The following GLB1L3 variants were observed in gnomAD, a reference collection of about 807,000 sequenced individuals.
GLB1L3 encodes the protein galactosidase beta 1 like 3.
A neutral mutation model predicts 89.5 loss-of-function variants in GLB1L3; 89 were observed. The ratio of observed to expected loss-of-function variants is 0.99; its 90% CI spans 0.84 to 1.19. The LOEUF (loss-of-function observed/expected upper bound fraction) is 1.19, where lower values mean the gene tolerates loss of function less well. GLB1L3 is among the 50% of genes most tolerant of loss of function. The pLI, the probability that GLB1L3 is intolerant of heterozygous loss-of-function variation, is 0.00. For missense variants in GLB1L3, 812 were observed against 813.3 expected (o/e 1.00, Z 0.02); for synonymous variants, 314 against 312.3 (o/e 1.01, Z -0.06).
At position 134,293,098 on chromosome 11, in the gene GLB1L3, CA is replaced by C. The variant is rs769139008; in HGVS notation, c.812-46del. 8 of 1,533,996 alleles carry C rather than the reference CA, an allele frequency of 5.2e-6. No homozygotes were observed. In the South Asian group the frequency reaches 9.0e-5, roughly 17 times the overall value. On this transcript the variant is annotated intron_variant, in intron 8 of 19. Coordinates refer to ENST00000431683, the MANE Select transcript of GLB1L3 (RefSeq NM_001080407.3). Reference sequence around the variant, plus strand: ...GGGGCGCATTCCTTCCCTTCCCTGACAGCACTTGTCTCATGCCTCAGCTGGG... The same window carrying C: ...GGGGCGCATTCCTTCCCTTCCCTGACGCACTTGTCTCATGCCTCAGCTGGG...
At chr11:134,313,060 GC>G (rs981218860) in intron 15 of GLB1L3, among the ~76,000 whole-genome samples, 173 bp downstream of exon 15, 2 of 151,520 alleles carry the variant, frequency 1.3e-5, no homozygotes, top group African/African-American at 4.9e-5. Context: ...CCAGGCCCTG[GC>G]CCCTCAGGAG....
At chr11:134,291,784 G>A (rs1298767600) in intron 7 of GLB1L3, among the ~76,000 whole-genome samples, 1 of 152,144 alleles carries the variant, frequency 6.6e-6, no homozygotes, top group East Asian at 1.9e-4. Context: ...AGACCAGGCT[G>A]GGCAACATAG....
chr11:134,287,745 T>A (rs902137204), intron 6 of GLB1L3, among the ~76,000 whole-genome samples: 6 of 152,238 alleles, frequency 3.9e-5, no homozygotes, highest in African/African-American at 1.4e-4. Context: ...GGCGTGGCGC[T>A]GCCCTGTGGA....
intron 5 of GLB1L3, among the ~76,000 whole-genome samples, chr11:134,282,885 G>A (rs778065205): frequency 1.3e-5 from 2 of 152,212 alleles, no homozygotes; most frequent in Non-Finnish European, 1.5e-5. Flanking sequence ...GCTGAGGGGA[G>A]TGGAGTTTTC....
intron 9 of GLB1L3, among the ~76,000 whole-genome samples, chr11:134,301,906 A>G (rs1941966913): frequency 6.6e-6 from 1 of 151,720 alleles, no homozygotes; most frequent in Non-Finnish European, 1.5e-5. Flanking sequence ...TTTTTCCTTT[A>G]TTTCGCTGGT....
intron 7 of GLB1L3, 42 bp from the exon 8 acceptor site, chr11:134,292,090 G>C: frequency 7.0e-7 from 1 of 1,423,892 alleles, no homozygotes; most frequent in Non-Finnish European, 9.9e-7. Flanking sequence ...TTTCCCATGG[G>C]AATGAGGGAA....
intron 10 of GLB1L3, among the ~76,000 whole-genome samples, chr11:134,308,655 TCACCACCACCAC>T (rs1186746011): frequency 2.8e-5 from 3 of 105,546 alleles, no homozygotes; most frequent in Admixed American, 9.3e-5. Flanking sequence ...ACCACCATCA[TCACCACCACCAC>T]CACCACCAAC....
At chr11:134,310,876 A>G in intron 12 of GLB1L3, 188 bp from the exon 13 acceptor site, 1 of 626,476 alleles carries the variant, frequency 1.6e-6, no homozygotes. Context: ...CTGAAGCATA[A>G]AGATAGTAAC....
chr11:134,318,169 C>A (rs989425840), intron 18 of GLB1L3, among the ~76,000 whole-genome samples: 2 of 152,054 alleles, frequency 1.3e-5, no homozygotes, highest in African/African-American at 2.4e-5. Context: ...TTGTTATATC[C>A]CAGAATAAGC....
chr11:134,283,682 C>A (rs532846433), intron 5 of GLB1L3, 55 bp from the exon 6 acceptor site: 2 of 1,031,088 alleles, frequency 1.9e-6, no homozygotes, highest in Non-Finnish European at 3.0e-6. Context: ...GAGCCCACTC[C>A]TGCTTCCCTC....
chr11:134,297,996 C>G (rs1020005262), intron 9 of GLB1L3, among the ~76,000 whole-genome samples: 1 of 151,772 alleles, frequency 6.6e-6, no homozygotes, highest in Non-Finnish European at 1.5e-5. Flanking sequence ...TAATTCCCCA[C>G]TCTAAAGATG....
In GLB1L3 at chr11:134,307,192, T is replaced by C. The variant is rs370813041; in HGVS notation, c.945T>C (p.His315=). 5 of 1,613,000 alleles carry C rather than the reference T, an allele frequency of 3.1e-6. No individual in the cohort carries two copies. The East Asian group carries it at 6.7e-5, about 22-fold the overall frequency. Residue 315 remains histidine (H), a synonymous_variant, in exon 10 of 20, where the codon CAT becomes CAC. Coordinates refer to ENST00000431683, the MANE Select transcript of GLB1L3 (RefSeq NM_001080407.3). The stretch of plus-strand genomic sequence containing the variant: ...TCGACAGATGGGGAGATAAGCACCA[T>C]GTTAAAGATGCAAAGGGTGAGTGTT... The part of the protein sequence containing the change: ...GWFDRWGDKH[H]VKDAKEVEHA...
Position 134,293,322 on chromosome 11 carries a change from C to T in GLB1L3, c.876+113C>T. On this transcript the variant is annotated intron_variant, in intron 9 of 19. Coordinates refer to ENST00000431683, the MANE Select transcript of GLB1L3 (RefSeq NM_001080407.3). ...TTGACAAGAAGACCGCAGGTTTTCA[C>T]CCTGGGTCCTCGGCAGGTTCCAAGC... 3 of 878,554 alleles carry T rather than the reference C, an allele frequency of 3.4e-6. No individual in the cohort carries two copies. The Middle Eastern group carries it at 6.7e-4, about 198-fold the overall frequency. 54.4% of individuals were successfully genotyped at this position (878,554 alleles called of 1,614,324 possible).
At chr11:134,317,073 A>C (rs1389368503) in intron 18 of GLB1L3, 1 of 152,186 alleles carries the variant, frequency 6.6e-6, no homozygotes, top group Non-Finnish European at 1.5e-5. Context: ...TGCCGGGGGG[A>C]AACTTGATGA....
At chr11:134,281,470 C>A (rs540518) in intron 4 of GLB1L3, 25 bp downstream of exon 4, 154,819 of 1,330,742 alleles carry the variant, frequency 0.12, 17,336 homozygotes, top group African/African-American at 0.12. Context: ...TGCTTCTGTG[C>A]CCTGGTCAGG....
At chr11:134,308,625 CCATCACCATCAACACCAT>C (rs1942543391) in intron 10 of GLB1L3, among the ~76,000 whole-genome samples, 1 of 148,000 alleles carries the variant, frequency 6.8e-6, no homozygotes, top group South Asian at 2.2e-4. Context: ...ACTATCACCA[CCATCACCATCAACACCAT>C]CACCACCATC....
chr11:134,313,523 G>A lies in GLB1L3; in HGVS notation c.1579+49G>A, dbSNP rs372324504. On this transcript the variant is annotated intron_variant, in intron 16 of 19. Transcript: ENST00000431683. Reference sequence around the variant, plus strand: ...CTCAGTTGCTCAGAACCGAAGACCCGGGCTATGCACTGGAGTCGGGGGCGG... The same window carrying A: ...CTCAGTTGCTCAGAACCGAAGACCCAGGCTATGCACTGGAGTCGGGGGCGG... The A allele has an allele frequency of 1.1e-4, 159 of 1,460,788 alleles. No homozygotes were observed. In the African/African-American group the frequency reaches 1.6e-3, roughly 15 times the overall value. 90.5% of individuals were successfully genotyped at this position (1,460,788 alleles called of 1,614,324 possible).
chr11:134,283,711 CCT>C, intron 5 of GLB1L3, 24 bp from the exon 6 acceptor site: 1 of 1,434,084 alleles, frequency 7.0e-7, no homozygotes, highest in Non-Finnish European at 9.8e-7. Flanking sequence ...CGTCTCAGAC[CCT>C]GAGCCCGCCC....
At position 134,276,500 on chromosome 11, in the gene GLB1L3, A is replaced by C; in HGVS notation, c.-241A>C. 2.7e-6 allele frequency: 1 copy of C among 375,646 alleles called. No homozygotes were observed. The highest frequency in any genetic ancestry group is 4.7e-6 in the Non-Finnish European group (1 of 212,404). 23.3% of individuals were successfully genotyped at this position (375,646 alleles called of 1,614,324 possible). A position where few individuals can be genotyped will look rare whatever the true frequency, so the allele number is the denominator to read the frequency against. On this transcript the variant is annotated 5_prime_UTR_variant, in exon 1 of 20. Coordinates refer to ENST00000431683, the MANE Select transcript of GLB1L3 (RefSeq NM_001080407.3). ...CGTCCGCGCCCGGACGCACTGCGGG[A>C]ACACCTGGAGCGCCGGCGGAGCTCG...
Sources: gnomAD v4.1 joint callset for allele counts (sites outside exome capture counted in the v4.1 genomes callset) on GRCh38, gnomAD v4.1.1 for gene constraint, MANE v1.5 for transcripts, NCBI Gene and HGNC (gene_info 2026-07-23, HGNC 2026-07-21) for gene names.